Variants in PTPRK observed in about 807,000 individuals in gnomAD.
PTPRK encodes protein tyrosine phosphatase receptor type K.
A neutral mutation model predicts 178.0 loss-of-function variants in PTPRK; 75 were observed. That is an observed-to-expected ratio of 0.42 (90% confidence interval 0.35 to 0.51). The LOEUF (loss-of-function observed/expected upper bound fraction) is 0.51, where lower values mean the gene tolerates loss of function less well. Among genes scored for constraint, PTPRK ranks in the 20% least tolerant of loss-of-function variants. PTPRK has a pLI of 0.02. For synonymous variants in PTPRK, 637 were observed against 620.6 expected (o/e 1.03, Z -0.39); for missense variants, 1,441 against 1,797.8 (o/e 0.80, Z 3.59).
intron 7 of PTPRK, among the ~76,000 whole-genome samples, chr6:128,100,175 G>A (rs779697449): frequency 3.3e-5 from 5 of 151,854 alleles, no homozygotes; most frequent in Non-Finnish European, 7.4e-5. Flanking sequence ...TAATACAGGC[G>A]ACTTGCAAGG....
intron 13 of PTPRK, among the ~76,000 whole-genome samples, chr6:128,053,236 C>T (rs1307227728): frequency 6.6e-6 from 1 of 151,992 alleles, no homozygotes; most frequent in East Asian, 1.9e-4. Context: ...TGCACCCCCA[C>T]ACCCTGCCAC....
rs1198933801 is a variant in PTPRK, at chr6:128,519,330, T to C, written c.100+929A>G. ...AGGGCGGGACCGGGAGAGCCAGGGT[T>C]CACGGACTTCTCTGAGCGGCTTGAC... is the stretch of plus-strand genomic sequence containing the variant. On this transcript the variant is annotated intron_variant, in intron 1 of 29. Transcript: ENST00000368226. This position sits in a 1 kb window ranked among gnomAD's most constrained non-coding sequence, Gnocchi z 4.3. Among the ~76,000 whole-genome samples, 1 of 151,926 alleles carries C rather than the reference T, an allele frequency of 6.6e-6. No individual in the cohort carries two copies. The highest frequency in any genetic ancestry group is 2.4e-5 in the African/African-American group (1 of 41,356).
At chr6:127,972,634 TTGCC>T (rs1379607334) in intron 29 of PTPRK, among the ~76,000 whole-genome samples, 1 of 152,192 alleles carries the variant, frequency 6.6e-6, no homozygotes, top group Non-Finnish European at 1.5e-5. Context: ...CTAAATTTCA[TTGCC>T]TTTTAAAAAT....
At chr6:128,371,618 T>C (rs1836293873) in intron 2 of PTPRK, among the ~76,000 whole-genome samples, 1 of 152,144 alleles carries the variant, frequency 6.6e-6, no homozygotes, top group Admixed American at 6.5e-5. Flanking sequence ...TGGAGTCAAC[T>C]CTAAGATACT....
chr6:128,270,193 A>G (rs545166424), intron 3 of PTPRK, among the ~76,000 whole-genome samples: 2 of 152,232 alleles, frequency 1.3e-5, no homozygotes, highest in African/African-American at 4.8e-5. Flanking sequence ...CAACAATATC[A>G]ACCATGTGTT....
intron 7 of PTPRK, among the ~76,000 whole-genome samples, chr6:128,151,199 GT>G (rs1280702445): frequency 1.3e-5 from 2 of 151,732 alleles, no homozygotes; most frequent in South Asian, 2.1e-4. Flanking sequence ...GGGAGGAGGA[GT>G]TTTTTTTACC....
chr6:128,349,808 TG>T (rs1832887857), intron 2 of PTPRK, among the ~76,000 whole-genome samples: 1 of 152,078 alleles, frequency 6.6e-6, no homozygotes, highest in Non-Finnish European at 1.5e-5. Flanking sequence ...ATTTAAGCAT[TG>T]GGATTTGGGC....
At chr6:128,311,106 G>A (rs1317405359) in intron 3 of PTPRK, among the ~76,000 whole-genome samples, 1 of 152,126 alleles carries the variant, frequency 6.6e-6, no homozygotes, top group African/African-American at 2.4e-5. Context: ...ATATGAGTTT[G>A]TAAGCCAAAA....
In PTPRK at chr6:127,973,243, A is replaced by G. The variant is rs1583461366; in HGVS notation, c.4134-86T>C. On this transcript the variant is annotated intron_variant, in intron 28 of 29. Coordinates refer to ENST00000368226, the MANE Select transcript of PTPRK (RefSeq NM_002844.4). Reference sequence around the variant, plus strand: ...CATCATATATGTTTGGGAAAATAAGACATTGTAGTTTTAATTGTTTTCCAT... The same window carrying G: ...CATCATATATGTTTGGGAAAATAAGGCATTGTAGTTTTAATTGTTTTCCAT... 13 of 1,560,718 alleles carry G rather than the reference A, an allele frequency of 8.3e-6. No individual in the cohort carries two copies. In the East Asian group the frequency reaches 2.9e-4, roughly 35 times the overall value.
Position 128,172,612 on chromosome 6 carries a change from G to GAT in PTPRK, c.1162+11818_1162+11819dup, listed in dbSNP as rs775327554. Reference sequence around the variant, plus strand: ...GATATCAAAGTAATACTGATATGTAGATATATATATATAGTGTGTGTGTAT... The same window carrying GAT: ...GATATCAAAGTAATACTGATATGTAGATATATATATATATAGTGTGTGTGTAT... On this transcript the variant is annotated intron_variant, in intron 7 of 29. Coordinates refer to ENST00000368226, the MANE Select transcript of PTPRK (RefSeq NM_002844.4). 1.4e-3 allele frequency among the ~76,000 whole-genome samples: 213 copies of GAT among 149,716 alleles called. 1 individual carries two copies. Among genetic ancestry groups the GAT allele is most frequent in the South Asian group, 3.2e-3 (15 of 4,740 alleles).
rs770642878 is a variant in PTPRK at position 128,241,231 on chromosome 6, AAG to A, written c.578-1083_578-1082del. The A allele has an allele frequency of 1.6e-4, 87 of 533,298 alleles. 1 individual carries two copies. Among genetic ancestry groups the A allele is most frequent in the African/African-American group, 1.2e-3 (64 of 52,080 alleles). 33.0% of individuals were successfully genotyped at this position (533,298 alleles called of 1,614,324 possible). ...TTTCTCTAGTGACTTACCTCTCAGGAAGAGATTTAAAATAAGGAATTCTTGAG... is the reference window on the plus strand; with the variant it reads ...TTTCTCTAGTGACTTACCTCTCAGGAAGATTTAAAATAAGGAATTCTTGAG... On this transcript the variant is annotated intron_variant, in intron 4 of 29. Transcript: ENST00000368226.
At chr6:127,990,969 T>TAG (rs5879871) in intron 20 of PTPRK, 84 bp from the exon 21 acceptor site, 349,981 of 813,738 alleles carry the variant, frequency 0.43, 77,489 homozygotes, top group African/African-American at 0.55. Context: ...AATAACTCCT[T>TAG]GTCACAATTA....
chr6:128,403,383 C>T (rs1456492780), intron 1 of PTPRK, among the ~76,000 whole-genome samples: 2 of 152,178 alleles, frequency 1.3e-5, no homozygotes, highest in African/African-American at 4.8e-5. Context: ...GGCCATACAT[C>T]ATCCACGCAG....
intron 2 of PTPRK, among the ~76,000 whole-genome samples, chr6:128,330,417 C>T (rs991321292): frequency 3.9e-5 from 6 of 151,998 alleles, no homozygotes; most frequent in Non-Finnish European, 8.8e-5. Flanking sequence ...ACAAATATAA[C>T]CAATTATTAA....
At chr6:128,395,859 A>G (rs1840231285) in intron 2 of PTPRK, among the ~76,000 whole-genome samples, 1 of 152,180 alleles carries the variant, frequency 6.6e-6, no homozygotes, top group African/African-American at 2.4e-5. Flanking sequence ...AATCACGGAG[A>G]GTGACAATTC....
At chr6:128,142,434 C>A (rs1795902157) in intron 7 of PTPRK, among the ~76,000 whole-genome samples, 1 of 151,606 alleles carries the variant, frequency 6.6e-6, no homozygotes, top group African/African-American at 2.4e-5. Flanking sequence ...TAGCTTTCAG[C>A]TAGACAAGTC....
chr6:128,185,447 T>C (rs1487624765), intron 6 of PTPRK, among the ~76,000 whole-genome samples: 1 of 152,156 alleles, frequency 6.6e-6, no homozygotes, highest in African/African-American at 2.4e-5. Context: ...TTGAATGATA[T>C]ATTAAGGCAC....
At chr6:128,423,467 T>G (rs1038135407) in intron 1 of PTPRK, among the ~76,000 whole-genome samples, 1 of 152,120 alleles carries the variant, frequency 6.6e-6, no homozygotes, top group Admixed American at 6.6e-5. Flanking sequence ...TTTCTTGAGT[T>G]CTTTAGACCA....
chr6:128,096,894 C>T (rs75798853), intron 7 of PTPRK, among the ~76,000 whole-genome samples: 204 of 152,162 alleles, frequency 1.3e-3, no homozygotes, highest in African/African-American at 4.5e-3. Context: ...GCAAAGAAAA[C>T]AGTGCTGCAC....
Sources: gnomAD v4.1 joint callset for allele counts (sites outside exome capture counted in the v4.1 genomes callset) on GRCh38, gnomAD v4.1.1 for gene constraint, Gnocchi (gnomAD v3.1) non-coding constraint, MANE v1.5 for transcripts, NCBI Gene and HGNC (gene_info 2026-07-23, HGNC 2026-07-21) for gene names.